The following NALCN variants were observed in gnomAD, a reference collection of about 807,000 sequenced individuals.
NALCN encodes the protein sodium leak channel, non-selective, also known as sodium leak channel NALCN.
A neutral mutation model predicts 225.3 loss-of-function variants in NALCN; 111 were observed. That is an observed-to-expected ratio of 0.49 (90% CI 0.42 to 0.58). NALCN has a LOEUF of 0.58. Among genes scored for constraint, NALCN ranks in the 20% least tolerant of loss-of-function variants. NALCN has a pLI of 0.00. For missense variants in NALCN, 1,378 were observed against 2,202.4 expected, an observed-to-expected ratio of 0.63 and a Z score of 7.49; for synonymous variants, 764 against 769.0, an observed-to-expected ratio of 0.99 and a Z score of 0.11.
At chr13:101,135,010 C>T (rs1186304238) in intron 17 of NALCN, among the ~76,000 whole-genome samples, 3 of 152,026 alleles carry the variant, frequency 2.0e-5, no homozygotes, top group African/African-American at 7.2e-5. Context: ...CTGGCTAACA[C>T]GGTGAAACCC....
chr13:101,323,076 A>C (rs2044810021), intron 7 of NALCN, among the ~76,000 whole-genome samples: 1 of 152,192 alleles, frequency 6.6e-6, no homozygotes, highest in South Asian at 2.1e-4. Context: ...AAATTCTAAA[A>C]AATCACTTCA....
intron 7 of NALCN, among the ~76,000 whole-genome samples, chr13:101,305,762 T>A (rs1352428836): frequency 1.3e-5 from 2 of 152,232 alleles, no homozygotes; most frequent in Non-Finnish European, 2.9e-5. Context: ...TTTTAAAGTT[T>A]AAAGTTGTTT....
intron 42 of NALCN, 111 bp downstream of exon 42, chr13:101,059,707 A>G (rs955204438): frequency 3.2e-5 from 29 of 900,426 alleles, no homozygotes; most frequent in Non-Finnish European, 4.3e-5. Context: ...TTCCTATTAG[A>G]AATATTGTCA....
intron 30 of NALCN, among the ~76,000 whole-genome samples, chr13:101,087,446 A>G (rs972240663): frequency 6.6e-6 from 1 of 151,232 alleles, no homozygotes; most frequent in South Asian, 2.1e-4. Context: ...TAATGTATAA[A>G]TGCTGTTAGA....
intron 6 of NALCN, among the ~76,000 whole-genome samples, chr13:101,369,968 T>G (rs2046491891): frequency 6.6e-6 from 1 of 152,218 alleles, no homozygotes; most frequent in Non-Finnish European, 1.5e-5. Flanking sequence ...CATTTCTCCT[T>G]TCCTGCTTTT....
chr13:101,306,970 A>G (rs2044172925), intron 7 of NALCN, among the ~76,000 whole-genome samples: 1 of 152,150 alleles, frequency 6.6e-6, no homozygotes. Flanking sequence ...GGGCTCTGAG[A>G]TGCCTTCAGT....
intron 13 of NALCN, among the ~76,000 whole-genome samples, chr13:101,219,767 T>C (rs1262459058): frequency 6.6e-6 from 1 of 152,172 alleles, no homozygotes; most frequent in Non-Finnish European, 1.5e-5. Context: ...CACTTTCTAG[T>C]GTGTTTGCTT....
intron 12 of NALCN, among the ~76,000 whole-genome samples, chr13:101,235,235 AAC>A (rs1286977856): frequency 1.3e-5 from 2 of 152,128 alleles, no homozygotes; most frequent in East Asian, 1.9e-4. Flanking sequence ...TTGTCATTTA[AAC>A]AGTTTTCTTT....
chr13:101,074,775 G>A (rs2033147175), intron 35 of NALCN, 113 bp from the exon 36 acceptor site: 2 of 1,252,410 alleles, frequency 1.6e-6, no homozygotes, highest in African/African-American at 3.0e-5. Context: ...GGAAGACCTG[G>A]GTAGCAACTA....
At chr13:101,168,726 C>T (rs1335885609) in intron 15 of NALCN, among the ~76,000 whole-genome samples, 1 of 152,200 alleles carries the variant, frequency 6.6e-6, no homozygotes, top group East Asian at 1.9e-4. Context: ...CACCCTGTGG[C>T]ATCAATACCA....
Position 101,260,070 on chromosome 13 carries a change from C to T in NALCN, c.1135-1496G>A, listed in dbSNP as rs111621879. 2.3e-3 allele frequency among the ~76,000 whole-genome samples: 344 copies of T among 151,950 alleles called. 1 individual carries two copies. The highest frequency in any genetic ancestry group is 7.7e-3 in the African/African-American group (317 of 41,432). On this transcript the variant is annotated intron_variant, in intron 10 of 43. Transcript: ENST00000251127. Reference sequence around the variant, plus strand: ...GGCAACCAATCTCTACTCTCTATGTCCATGAGTTTGATTATCTTGATTTTG... The same window carrying T: ...GGCAACCAATCTCTACTCTCTATGTTCATGAGTTTGATTATCTTGATTTTG...
intron 13 of NALCN, among the ~76,000 whole-genome samples, chr13:101,198,676 C>T (rs1019690204): frequency 8.5e-5 from 13 of 152,136 alleles, no homozygotes; most frequent in Non-Finnish European, 1.3e-4. Context: ...AATACGAACA[C>T]TTTTACACTG....
intron 15 of NALCN, 147 bp from the exon 16 acceptor site, chr13:101,145,043 T>G: frequency 6.5e-6 from 5 of 765,224 alleles, no homozygotes; most frequent in Non-Finnish European, 9.1e-6. Context: ...TATACCTCTC[T>G]TGCCCGCCAT....
chr13:101,370,576 T>C (rs1268730492), intron 6 of NALCN, among the ~76,000 whole-genome samples: 1 of 152,128 alleles, frequency 6.6e-6, no homozygotes, highest in Non-Finnish European at 1.5e-5. Flanking sequence ...GGTAGTCCAA[T>C]AGACCAGTGA....
chr13:101,401,094 G>A (rs1439384052), intron 1 of NALCN, among the ~76,000 whole-genome samples: 5 of 152,110 alleles, frequency 3.3e-5, no homozygotes, highest in African/African-American at 7.2e-5. Flanking sequence ...GAAAACGGAC[G>A]GATTCACCTC....
chr13:101,110,531 A>C, intron 20 of NALCN, 88 bp downstream of exon 20: 1 of 1,391,328 alleles, frequency 7.2e-7, no homozygotes, highest in Non-Finnish European at 1.0e-6. Context: ...GGAATGCAGC[A>C]GAAAGACACT....
chr13:101,371,257 G>T (rs1310197838), intron 6 of NALCN, among the ~76,000 whole-genome samples: 1 of 152,028 alleles, frequency 6.6e-6, no homozygotes, highest in African/African-American at 2.4e-5. Flanking sequence ...ATTTATTTTG[G>T]TTAAATACCT....
intron 13 of NALCN, among the ~76,000 whole-genome samples, chr13:101,197,977 C>T (rs2039957846): frequency 6.6e-6 from 1 of 152,060 alleles, no homozygotes; most frequent in African/African-American, 2.4e-5. Flanking sequence ...ATGATTTTTA[C>T]CTAATGGAGA....
intron 7 of NALCN, among the ~76,000 whole-genome samples, chr13:101,342,924 A>C (rs2045602997): frequency 1.3e-5 from 2 of 152,188 alleles, no homozygotes; most frequent in African/African-American, 4.8e-5. Context: ...AAATTTTATA[A>C]GTGAATTGAA....
Sources: allele counts gnomAD v4.1 joint callset (sites outside exome capture counted in the v4.1 genomes callset), GRCh38; gene constraint gnomAD v4.1.1; transcripts MANE v1.5; gene names NCBI Gene and HGNC (gene_info 2026-07-23, HGNC 2026-07-21).